CTNNA2: variants seen among roughly 807,000 people sequenced by gnomAD.
CTNNA2 encodes the protein catenin alpha 2.
Under a neutral mutation model 101.0 loss-of-function variants are expected in CTNNA2, and 42 were observed. That is an observed-to-expected ratio of 0.42 (90% confidence interval 0.32 to 0.54). CTNNA2 has a LOEUF of 0.54. CTNNA2 is among the 20% of genes least tolerant of loss of function. CTNNA2 has a pLI of 0.14. For synonymous variants in CTNNA2, 450 were observed against 456.4 expected (o/e 0.99, Z 0.18); for missense variants, 871 against 1,223.1 (o/e 0.71, Z 4.29).
At chr2:80,426,899 T>A (rs1483913383) in intron 9 of CTNNA2, among the ~76,000 whole-genome samples, 1 of 152,076 alleles carries the variant, frequency 6.6e-6, no homozygotes, top group East Asian at 1.9e-4. Flanking sequence ...TGTTCAGCTT[T>A]CAGCCTGAAT....
intron 1 of CTNNA2, among the ~76,000 whole-genome samples, chr2:79,617,435 A>T (rs1329148804): frequency 6.6e-6 from 1 of 151,676 alleles, no homozygotes; most frequent in Non-Finnish European, 1.5e-5. Flanking sequence ...TTTCTATGTT[A>T]TTTCTTAGAT....
intron 7 of CTNNA2, among the ~76,000 whole-genome samples, chr2:80,043,089 TTCTTTCTCTCTCTCTCTCTC>T (rs1696235297): frequency 9.5e-5 from 3 of 31,480 alleles, no homozygotes; most frequent in Non-Finnish European, 1.8e-4. Context: ...CTTTCTTTCT[TTCTTTCTCTCTCTCTCTCTC>T]TCTTTCTTTC....
intron 7 of CTNNA2, among the ~76,000 whole-genome samples, chr2:79,930,286 G>C (rs891370171): frequency 2.7e-5 from 2 of 75,200 alleles, no homozygotes; most frequent in African/African-American, 8.6e-5. Context: ...AAGAGAGAGA[G>C]AGAGAAAGAG....
chr2:80,529,317 A>G (rs1573149977), intron 9 of CTNNA2, among the ~76,000 whole-genome samples: 1 of 152,214 alleles, frequency 6.6e-6, no homozygotes, highest in Admixed American at 6.5e-5. Flanking sequence ...GCCACTGGCT[A>G]TATTTGGCCC....
At chr2:80,058,755 C>T (rs952886288) in intron 7 of CTNNA2, among the ~76,000 whole-genome samples, 10 of 152,000 alleles carry the variant, frequency 6.6e-5, no homozygotes, top group East Asian at 1.9e-4. Context: ...CAAATGCAAC[C>T]GCAACCACAG....
rs1052098013 is a variant in CTNNA2, at chr2:80,647,826, C to T, written c.2816C>T (p.Ser939Leu). ...CGAGGTTCTCAGAAGAAACACATTT[C>T]GCCTGTACAGGCTTTAAGTGAATTC... ...VRRGSQKKHI[S>L]PVQALSEFKA... The change falls in exon 19 of 19, where the codon TCG becomes TTG. Residue 939 changes from serine to leucine, a missense_variant. Coordinates refer to ENST00000402739, the MANE Select transcript of CTNNA2 (RefSeq NM_001282597.3). 5 of 1,613,310 alleles carry T rather than the reference C, an allele frequency of 3.1e-6. No homozygotes were observed. The highest frequency in any genetic ancestry group is 1.3e-5 in the African/African-American group (1 of 74,874).
intron 4 of CTNNA2, among the ~76,000 whole-genome samples, chr2:79,407,766 T>C (rs1678355580): frequency 6.6e-6 from 1 of 151,926 alleles, no homozygotes; most frequent in Non-Finnish European, 1.5e-5. Context: ...CAGAAAAGGA[T>C]AGTCTTACCC....
intron 7 of CTNNA2, among the ~76,000 whole-genome samples, chr2:80,250,204 A>AGAGAGAGTGTGT (rs1553476557): frequency 1.0e-4 from 10 of 96,502 alleles, no homozygotes; most frequent in African/African-American, 2.7e-4. Context: ...AGAGAGAGAG[A>AGAGAGAGTGTGT]GTGTGTGTGT....
At chr2:79,979,202 A>G (rs922589535) in intron 7 of CTNNA2, among the ~76,000 whole-genome samples, 12 of 152,146 alleles carry the variant, frequency 7.9e-5, no homozygotes, top group Admixed American at 5.2e-4. Context: ...TGGGCAGCAT[A>G]GTGAGACTTC....
chr2:80,409,970 T>G (rs1271776855), intron 8 of CTNNA2, among the ~76,000 whole-genome samples: 2 of 152,188 alleles, frequency 1.3e-5, no homozygotes, highest in Non-Finnish European at 2.9e-5. Context: ...TGCAGAGGTG[T>G]TTTTCATTGA....
At chr2:79,739,875 C>T (rs1283120350) in intron 2 of CTNNA2, among the ~76,000 whole-genome samples, 1 of 152,188 alleles carries the variant, frequency 6.6e-6, no homozygotes, top group African/African-American at 2.4e-5. Flanking sequence ...ATTCATAATT[C>T]TGATACTCAC....
rs183905903 is a variant in CTNNA2, at chr2:80,542,118, A to T, written c.1291-2864A>T. Among the ~76,000 whole-genome samples the T allele has an allele frequency of 3.0e-3, 428 of 144,598 alleles. 1 individual carries two copies. Among genetic ancestry groups the T allele is most frequent in the African/African-American group, 0.01 (364 of 35,300 alleles). 94.9% of individuals were successfully genotyped at this position (144,598 alleles called of 152,430 possible). ...GCTCTAAAAGCTATAGATTCTTTTT[A>T]AAAAAAAAGTACCATTAGCATGCTT... On this transcript the variant is annotated intron_variant, in intron 9 of 18. Transcript: ENST00000402739.
At chr2:79,345,774 C>A (rs952883789) in intron 3 of CTNNA2, among the ~76,000 whole-genome samples, 1 of 151,864 alleles carries the variant, frequency 6.6e-6, no homozygotes, top group African/African-American at 2.4e-5. Flanking sequence ...CTCACTGCAA[C>A]CTCCGCCTCC....
intron 3 of CTNNA2, among the ~76,000 whole-genome samples, chr2:79,848,257 C>A (rs1436742968): frequency 6.6e-6 from 1 of 152,116 alleles, no homozygotes; most frequent in Non-Finnish European, 1.5e-5. Context: ...ATTTACATTC[C>A]ATCAGTGTAT....
At chr2:79,579,786 G>A (rs1676034898) in intron 1 of CTNNA2, among the ~76,000 whole-genome samples, 1 of 151,958 alleles carries the variant, frequency 6.6e-6, no homozygotes, top group Non-Finnish European at 1.5e-5. Flanking sequence ...GGCTAATTTT[G>A]TATTTTTAGT....
chr2:80,485,954 TA>T (rs1192846421), intron 9 of CTNNA2, among the ~76,000 whole-genome samples: 3 of 152,292 alleles, frequency 2.0e-5, no homozygotes, highest in Admixed American at 1.3e-4. Flanking sequence ...GATTTCACCA[TA>T]TTTTTTTTTT....
At chr2:80,059,742 G>A (rs1014954893) in intron 7 of CTNNA2, among the ~76,000 whole-genome samples, 2 of 152,098 alleles carry the variant, frequency 1.3e-5, no homozygotes, top group Non-Finnish European at 2.9e-5. Context: ...TCTCTTGCCC[G>A]CCCCACTCTG....
intron 7 of CTNNA2, among the ~76,000 whole-genome samples, chr2:80,369,435 A>G (rs1675252002): frequency 6.6e-6 from 1 of 152,128 alleles, no homozygotes; most frequent in Non-Finnish European, 1.5e-5. Flanking sequence ...GCATGCAAGA[A>G]TGTACATATA....
At chr2:79,535,849 T>G (rs2103960176) in intron 1 of CTNNA2, among the ~76,000 whole-genome samples, 1 of 152,248 alleles carries the variant, frequency 6.6e-6, no homozygotes, top group East Asian at 1.9e-4. Flanking sequence ...AGCTGCACAT[T>G]GTCAGCTCTG....
Sources: allele counts gnomAD v4.1 joint callset (sites outside exome capture counted in the v4.1 genomes callset), GRCh38; gene constraint gnomAD v4.1.1; transcripts MANE v1.5; gene names NCBI Gene and HGNC (gene_info 2026-07-23, HGNC 2026-07-21).